Variants in SMG7 observed in about 807,000 individuals in gnomAD.
SMG7 encodes SMG7 nonsense mediated mRNA decay factor, also known as nonsense-mediated mRNA decay factor SMG7.
A neutral mutation model predicts 148.2 loss-of-function variants in SMG7; 34 were observed. That is an observed-to-expected ratio of 0.23 (90% confidence interval 0.17 to 0.31). SMG7 has a LOEUF of 0.31. Among genes scored for constraint, SMG7 ranks in the 10% least tolerant of loss-of-function variants. SMG7 has a pLI of 1.00. For missense variants in SMG7, 1,114 were observed against 1,408.4 expected (o/e 0.79, Z 3.35); for synonymous variants, 492 against 515.1 (o/e 0.96, Z 0.61).
intron 10 of SMG7, among the ~76,000 whole-genome samples, chr1:183,535,326 C>G (rs1165532195): frequency 6.6e-6 from 1 of 152,148 alleles, no homozygotes; most frequent in Non-Finnish European, 1.5e-5. Context: ...CCAGAAGGAA[C>G]AGCTTTATTG....
At chr1:183,490,727 A>G (rs912864548) in intron 1 of SMG7, among the ~76,000 whole-genome samples, 2 of 152,186 alleles carry the variant, frequency 1.3e-5, no homozygotes, top group Non-Finnish European at 2.9e-5. Flanking sequence ...TTTGACAAAC[A>G]TATGCCCCTA....
chr1:183,526,855 G>C (rs140696946), intron 5 of SMG7, 88 bp downstream of exon 5: 1 of 1,015,962 alleles, frequency 9.8e-7, no homozygotes, highest in Non-Finnish European at 1.4e-6. Flanking sequence ...TTTAAGCGGA[G>C]CATACACACA....
chr1:183,526,798 A>G (rs1665952993), intron 5 of SMG7, 31 bp downstream of exon 5: 10 of 1,566,502 alleles, frequency 6.4e-6, no homozygotes, highest in African/African-American at 1.4e-5. Flanking sequence ...AATTGATAAT[A>G]TGTTCCTCCT....
chr1:183,478,321 G>T (rs1557938495), intron 1 of SMG7, among the ~76,000 whole-genome samples: 1 of 152,086 alleles, frequency 6.6e-6, no homozygotes, highest in Non-Finnish European at 1.5e-5. Context: ...AGTAGCTTTT[G>T]TCCCGGAATA....
At chr1:183,543,144 T>A (rs572240484) in intron 14 of SMG7, among the ~76,000 whole-genome samples, 2 of 152,238 alleles carry the variant, frequency 1.3e-5, no homozygotes, top group African/African-American at 4.8e-5. Flanking sequence ...ACTTTCTTTT[T>A]ATTAATATAT....
chr1:183,539,814 C>A (rs1372896158), intron 12 of SMG7, among the ~76,000 whole-genome samples: 1 of 152,196 alleles, frequency 6.6e-6, no homozygotes, highest in Admixed American at 6.5e-5. Flanking sequence ...TTTCCCTATA[C>A]ATAGTTCAGG....
intron 14 of SMG7, 99 bp from the exon 15 acceptor site, chr1:183,544,254 T>A: frequency 1.2e-6 from 1 of 851,728 alleles, no homozygotes; most frequent in Non-Finnish European, 1.8e-6. Context: ...TACTTTTTGA[T>A]CTAATGAGGT....
intron 1 of SMG7, among the ~76,000 whole-genome samples, chr1:183,505,585 G>T (rs1660722476): frequency 6.6e-6 from 1 of 152,168 alleles, no homozygotes; most frequent in Non-Finnish European, 1.5e-5. Flanking sequence ...CTAGTCTCAA[G>T]TCTCCCCTGT....
Position 183,553,415 on chromosome 1 carries a change from C to T in SMG7, c.*1484C>T, listed in dbSNP as rs1671363207. On this transcript the variant is annotated 3_prime_UTR_variant, in exon 23 of 23. Transcript: ENST00000688051. ...GTGTCTGTATGTTTGTGTACACACA[C>T]GTGCCCATCTGCTGTCCCAGAGGGG... 7 of 547,702 alleles carry T rather than the reference C, an allele frequency of 1.3e-5. No homozygotes were observed. The highest frequency in any genetic ancestry group is 6.4e-5 in the Admixed American group (2 of 31,156). The allele number at this position is 547,702 out of a possible 1,614,324, so 33.9% of individuals were successfully genotyped here.
intron 10 of SMG7, among the ~76,000 whole-genome samples, chr1:183,534,821 C>G (rs984343462): frequency 1.6e-4 from 24 of 151,636 alleles, no homozygotes; most frequent in African/African-American, 5.6e-4. Flanking sequence ...GAGCTGAGAT[C>G]GCGCCATTGT....
rs1572030626 is a variant in SMG7 at position 183,533,429 on chromosome 1, A to G, written c.1006+103A>G. Reference sequence around the variant, plus strand: ...ACAGTGACATAAAAAAGCATAGTGTATTTCTTACACTGAATCAGGAGTTCA... The same window carrying G: ...ACAGTGACATAAAAAAGCATAGTGTGTTTCTTACACTGAATCAGGAGTTCA... On this transcript the variant is annotated intron_variant, in intron 9 of 22. Transcript: ENST00000688051. 6.4e-6 allele frequency: 8 copies of G among 1,243,028 alleles called. No homozygotes were observed. In the East Asian group the frequency reaches 1.6e-4, roughly 25 times the overall value. 77.0% of individuals were successfully genotyped at this position (1,243,028 alleles called of 1,614,324 possible).
In SMG7 at chr1:183,549,804, G is replaced by T; in HGVS notation, c.3014G>T (p.Gly1005Val). 1 of 1,613,834 alleles carries T rather than the reference G, an allele frequency of 6.2e-7. No homozygotes were observed. Among genetic ancestry groups the T allele is most frequent in the Middle Eastern group, 1.7e-4 (1 of 6,058 alleles). ...PNNSMFNEVY[G>V]KNLTSSSKAE... is the part of the protein sequence containing the mutation. ...AATAGTATGTTCAATGAGGTATATG[G>T]GAAAAACCTGACATCCAGCTCCAAA... The change falls in exon 20 of 23, where the codon GGG (glycine) becomes GTG (valine). Residue 1005 changes from glycine to valine, a missense_variant. Transcript: ENST00000688051.
intron 1 of SMG7, among the ~76,000 whole-genome samples, chr1:183,477,120 G>A (rs1196275797): frequency 2.0e-5 from 3 of 152,162 alleles, no homozygotes; most frequent in Non-Finnish European, 4.4e-5. Context: ...TGGAAGATGA[G>A]AAAGTAGAAT....
At chr1:183,475,109 G>T (rs1163811042) in intron 1 of SMG7, among the ~76,000 whole-genome samples, 1 of 152,200 alleles carries the variant, frequency 6.6e-6, no homozygotes, top group Non-Finnish European at 1.5e-5. Flanking sequence ...TGAAATGTAG[G>T]TCTTCTAACT....
intron 12 of SMG7, among the ~76,000 whole-genome samples, chr1:183,539,088 T>G (rs1456930858): frequency 6.6e-6 from 1 of 151,958 alleles, no homozygotes; most frequent in Admixed American, 6.6e-5. Flanking sequence ...AGGCAGAGGC[T>G]GCAGTGAGCT....
chr1:183,483,183 C>G (rs1654596599), intron 1 of SMG7, among the ~76,000 whole-genome samples: 1 of 152,068 alleles, frequency 6.6e-6, no homozygotes, highest in Admixed American at 6.6e-5. Flanking sequence ...TCCCAAAACT[C>G]TTTGGGTTCT....
At position 183,521,825 on chromosome 1, in the gene SMG7, C is replaced by T. The variant is rs144386181; in HGVS notation, c.312+4005C>T. Among the ~76,000 whole-genome samples the T allele has an allele frequency of 5.8e-3, 857 of 148,454 alleles. 2 individuals are homozygous for T. The highest frequency in any genetic ancestry group is 0.01 in the Non-Finnish European group (694 of 67,648). On this transcript the variant is annotated intron_variant, in intron 4 of 22. Transcript: ENST00000688051. ...AGGTTGCAGTGAGCCATATTTGCGC[C>T]ACCTGCCTGGGTGACAGAGTGAGAC... is the stretch of plus-strand genomic sequence containing the variant.
intron 1 of SMG7, among the ~76,000 whole-genome samples, chr1:183,499,435 C>G (rs946754038): frequency 6.6e-6 from 1 of 152,190 alleles, no homozygotes; most frequent in African/African-American, 2.4e-5. Context: ...TGGATTTCGA[C>G]CATTCTAATA....
intron 1 of SMG7, among the ~76,000 whole-genome samples, chr1:183,476,017 A>G (rs987335761): frequency 6.6e-6 from 1 of 152,196 alleles, no homozygotes; most frequent in African/African-American, 2.4e-5. Context: ...GTAAATTAAA[A>G]CAAGTGTTAG....
Sources: gnomAD v4.1 joint callset for allele counts (sites outside exome capture counted in the v4.1 genomes callset) on GRCh38, gnomAD v4.1.1 for gene constraint, MANE v1.5 for transcripts, NCBI Gene and HGNC (gene_info 2026-07-23, HGNC 2026-07-21) for gene names.